PAMR1: variants seen among roughly 807,000 people sequenced by gnomAD.
The protein encoded by PAMR1 is peptidase domain containing associated with muscle regeneration 1, also known as inactive serine protease PAMR1.
In PAMR1, 88 loss-of-function variants were observed where a neutral mutation model predicts 81.8. The ratio of observed to expected loss-of-function variants is 1.08; its 90% CI spans 0.91 to 1.28. PAMR1 has a LOEUF of 1.28. PAMR1 is among the 50% of genes most tolerant of loss of function. The probability of loss-of-function intolerance (pLI) is 0.00; values close to 1 mark genes in which losing one functional copy is unlikely to be tolerated. For synonymous variants in PAMR1, 336 were observed against 345.3 expected, an observed-to-expected ratio of 0.97 and a Z score of 0.30; for missense variants, 935 against 919.7, an observed-to-expected ratio of 1.02 and a Z score of -0.21.
upstream of PAMR1, chr11:35,525,677 C>G (rs542865110): frequency 6.7e-6 from 7 of 1,039,022 alleles, no homozygotes; most frequent in Middle Eastern, 2.5e-4. Flanking sequence ...GGGACCTCCC[C>G]GAGCCCCAGC....
chr11:35,520,953 G>C (rs145724176), intron 1 of PAMR1, among the ~76,000 whole-genome samples: 1 of 152,292 alleles, frequency 6.6e-6, no homozygotes, highest in East Asian at 1.9e-4. Flanking sequence ...ATGTGGATAA[G>C]ATTAAGTCAA....
intron 1 of PAMR1, among the ~76,000 whole-genome samples, chr11:35,508,459 G>A (rs779721328): frequency 6.7e-6 from 1 of 149,520 alleles, no homozygotes. Flanking sequence ...TTGGTTTTGT[G>A]TCAGGAGAGT....
intron 3 of PAMR1, among the ~76,000 whole-genome samples, chr11:35,475,660 A>T (rs1444018117): frequency 6.6e-6 from 1 of 152,192 alleles, no homozygotes; most frequent in East Asian, 1.9e-4. Flanking sequence ...GAAATAAATG[A>T]TATTCTCTAC....
intron 1 of PAMR1, among the ~76,000 whole-genome samples, chr11:35,515,053 C>A (rs1236621386): frequency 6.6e-6 from 1 of 152,166 alleles, no homozygotes; most frequent in Non-Finnish European, 1.5e-5. Flanking sequence ...AATATTATAT[C>A]AATCAAAGCA....
At chr11:35,463,860 A>G (rs977866768) in intron 6 of PAMR1, among the ~76,000 whole-genome samples, 7 of 152,166 alleles carry the variant, frequency 4.6e-5, no homozygotes. Context: ...ATTATTTTGC[A>G]TTCTTTATCT....
chr11:35,493,475 A>G (rs1485378428), intron 2 of PAMR1, among the ~76,000 whole-genome samples: 3 of 151,874 alleles, frequency 2.0e-5, no homozygotes, highest in Non-Finnish European at 2.9e-5. Flanking sequence ...CTCTCATCAC[A>G]TACACATTTC....
Position 35,434,760 on chromosome 11 carries a change from A to G in PAMR1, c.1378T>C (p.Leu460=), listed in dbSNP as rs1257651945. 6.2e-7 allele frequency: 1 copy of G among 1,614,034 alleles called. No homozygotes were observed. Among genetic ancestry groups the G allele is most frequent in the East Asian group, 2.2e-5 (1 of 44,880 alleles). Residue 460 remains leucine (L), a synonymous_variant, in exon 10 of 11, where the codon TTG becomes CTG. Coordinates refer to ENST00000619888, the MANE Select transcript of PAMR1 (RefSeq NM_001001991.3). ...ENITAPKTQG[L]RWPWQAAIYR... is the part of the protein sequence containing the mutation. ...ATGGCTGCCTGCCACGGCCAGCGCA[A>G]CCCTTGGGTCTTTGGAGCAGTGATG...
intron 1 of PAMR1, among the ~76,000 whole-genome samples, chr11:35,522,202 A>G (rs71480078): frequency 0.094 from 14,292 of 152,208 alleles, 798 homozygotes; most frequent in Non-Finnish European, 0.13. Flanking sequence ...GATTATAGGC[A>G]TGAGCCACTG....
chr11:35,507,598 T>G (rs369216072), intron 1 of PAMR1, among the ~76,000 whole-genome samples: 1 of 152,198 alleles, frequency 6.6e-6, no homozygotes, highest in Non-Finnish European at 1.5e-5. Context: ...GCTCACATAT[T>G]GCCATCTCAT....
intron 6 of PAMR1, among the ~76,000 whole-genome samples, chr11:35,466,281 C>T (rs1418618583): frequency 2.6e-5 from 4 of 152,120 alleles, no homozygotes; most frequent in Non-Finnish European, 4.4e-5. Context: ...GCAAGAACCA[C>T]GAAGCAGAAC....
intron 6 of PAMR1, among the ~76,000 whole-genome samples, chr11:35,447,779 G>T (rs1856328928): frequency 6.6e-6 from 1 of 152,176 alleles, no homozygotes; most frequent in African/African-American, 2.4e-5. Flanking sequence ...AGTGGCTGGT[G>T]ACAGTTTTTC....
chr11:35,463,940 T>C (rs1856711133), intron 6 of PAMR1, among the ~76,000 whole-genome samples: 1 of 152,214 alleles, frequency 6.6e-6, no homozygotes, highest in African/African-American at 2.4e-5. Context: ...AATAAATTCA[T>C]TTCCAGCTTG....
chr11:35,443,440 A>G (rs1031135085), intron 6 of PAMR1, among the ~76,000 whole-genome samples: 12 of 152,004 alleles, frequency 7.9e-5, no homozygotes, highest in African/African-American at 2.9e-4. Flanking sequence ...GCTCCCACTT[A>G]TGAGTGAGAA....
chr11:35,434,437 T>C (rs1855984625), intron 10 of PAMR1, 75 bp downstream of exon 10: 1 of 1,419,770 alleles, frequency 7.0e-7, no homozygotes, highest in Non-Finnish European at 9.8e-7. Flanking sequence ...CAGAGCTTGG[T>C]ATAATCACTG....
chr11:35,478,459 G>C (rs1850322196), intron 3 of PAMR1, among the ~76,000 whole-genome samples: 1 of 152,174 alleles, frequency 6.6e-6, no homozygotes, highest in Non-Finnish European at 1.5e-5. Flanking sequence ...GCCCCAAGAT[G>C]GGGAACAACT....
At chr11:35,481,520 GTTTGTT>G (rs2135389348) in intron 3 of PAMR1, among the ~76,000 whole-genome samples, 1 of 151,826 alleles carries the variant, frequency 6.6e-6, no homozygotes, top group African/African-American at 2.4e-5. Context: ...TTGTTTGTTT[GTTTGTT>G]TGTTTGTTTG....
chr11:35,513,163 C>A (rs1232324425), intron 1 of PAMR1, among the ~76,000 whole-genome samples: 3 of 152,178 alleles, frequency 2.0e-5, no homozygotes, highest in Non-Finnish European at 1.5e-5. Context: ...TTGTTATATT[C>A]TGAGATCACT....
At chr11:35,434,280 C>T (rs1366398381) in intron 10 of PAMR1, among the ~76,000 whole-genome samples, 1 of 151,820 alleles carries the variant, frequency 6.6e-6, no homozygotes, top group East Asian at 1.9e-4. Context: ...GTGATAGATG[C>T]CTTTGCCTCT....
intron 6 of PAMR1, among the ~76,000 whole-genome samples, chr11:35,449,499 A>G (rs1457986496): frequency 6.6e-6 from 1 of 152,202 alleles, no homozygotes; most frequent in Non-Finnish European, 1.5e-5. Context: ...TCTGGCCACA[A>G]TCTGCCACAG....
Sources: allele counts gnomAD v4.1 joint callset (sites outside exome capture counted in the v4.1 genomes callset), GRCh38; gene constraint gnomAD v4.1.1; transcripts MANE v1.5; gene names NCBI Gene and HGNC (gene_info 2026-07-23, HGNC 2026-07-21).